The following TESK2 variants were observed in gnomAD, a reference collection of about 807,000 sequenced individuals.
TESK2 encodes the protein dual specificity testis-specific protein kinase 2.
A neutral mutation model predicts 57.1 loss-of-function variants in TESK2; 39 were observed. The ratio of observed to expected loss-of-function variants is 0.68; its 90% CI spans 0.53 to 0.89. TESK2 has a LOEUF of 0.89. TESK2 is among the 40% of genes least tolerant of loss of function. The pLI is 0.00. For missense variants in TESK2, 646 were observed against 732.1 expected (o/e 0.88, Z 1.36); for synonymous variants, 249 against 267.9 (o/e 0.93, Z 0.69).
At chr1:45,359,280 C>T (rs1647573452) in intron 4 of TESK2, among the ~76,000 whole-genome samples, 1 of 152,232 alleles carries the variant, frequency 6.6e-6, no homozygotes, top group Admixed American at 6.5e-5. Context: ...TGAAAGTTGG[C>T]CAGGCGCCGT....
intron 2 of TESK2, among the ~76,000 whole-genome samples, chr1:45,449,092 G>A (rs112975853): frequency 0.021 from 3,117 of 151,868 alleles, 76 homozygotes; most frequent in African/African-American, 0.058. Flanking sequence ...GCGTGGTAGT[G>A]GACATCTGTA....
Position 45,343,967 on chromosome 1 carries a change from G to A in TESK2, c.*873C>T. ...AAAAAAATCAACAGAAGCAAGTTAT[G>A]AAAATATTTGACCAGCTTCATCTTT... On this transcript the variant is annotated 3_prime_UTR_variant, in exon 11 of 11. Coordinates refer to ENST00000372086, the MANE Select transcript of TESK2 (RefSeq NM_007170.3). This position sits in a 1 kb window ranked among gnomAD's most constrained non-coding sequence, Gnocchi z 4.3. 2.5e-6 allele frequency: 1 copy of A among 403,018 alleles called. No individual in the cohort carries two copies. The highest frequency in any genetic ancestry group is 4.5e-6 in the Non-Finnish European group (1 of 221,734). 25.0% of individuals were successfully genotyped at this position (403,018 alleles called of 1,614,324 possible).
intron 5 of TESK2, 73 bp from the exon 6 acceptor site, chr1:45,348,073 T>C (rs1647171872): frequency 1.2e-5 from 12 of 1,001,338 alleles, no homozygotes; most frequent in Non-Finnish European, 1.9e-5. Context: ...TACCACCCAT[T>C]CCCCCCTTCC....
intron 4 of TESK2, among the ~76,000 whole-genome samples, chr1:45,376,043 GT>G (rs1228187345): frequency 1.3e-5 from 2 of 152,018 alleles, no homozygotes; most frequent in African/African-American, 4.8e-5. Context: ...CAGTTTGAGA[GT>G]TTTTTATTAC....
At chr1:45,421,453 T>C (rs72894318) in intron 3 of TESK2, among the ~76,000 whole-genome samples, 136 of 152,218 alleles carry the variant, frequency 8.9e-4, no homozygotes, top group African/African-American at 3.2e-3. Context: ...CAGTCAGCAA[T>C]AGAAAACAAT....
At chr1:45,430,541 G>A (rs1246244280) in intron 2 of TESK2, among the ~76,000 whole-genome samples, 1 of 152,104 alleles carries the variant, frequency 6.6e-6, no homozygotes, top group Non-Finnish European at 1.5e-5. Flanking sequence ...CCTCTCTCAG[G>A]TCTGAGCTCT....
chr1:45,360,398 A>G lies in TESK2; in HGVS notation c.394-4949T>C, dbSNP rs1647635441. ...AGGAGCCACTCAGGTTTCCCAACTGAGTGCCAGGCAGAAGACACTATAATG... is the reference window on the plus strand; with the variant it reads ...AGGAGCCACTCAGGTTTCCCAACTGGGTGCCAGGCAGAAGACACTATAATG... On this transcript the variant is annotated intron_variant, in intron 4 of 10. Transcript: ENST00000372086. 1.3e-5 allele frequency among the ~76,000 whole-genome samples: 2 copies of G among 152,066 alleles called. 1 individual carries two copies. The highest frequency in any genetic ancestry group is 4.1e-4 in the South Asian group (2 of 4,824).
At chr1:45,479,267 C>A in intron 1 of TESK2, among the ~76,000 whole-genome samples, 1 of 151,896 alleles carries the variant, frequency 6.6e-6, no homozygotes, top group East Asian at 1.9e-4. Flanking sequence ...CTAGTTACAC[C>A]TAATACAAAG....
chr1:45,432,954 G>C (rs1651035059), intron 2 of TESK2, among the ~76,000 whole-genome samples: 1 of 150,596 alleles, frequency 6.6e-6, no homozygotes, highest in Non-Finnish European at 1.5e-5. Flanking sequence ...AGTAGAGATG[G>C]AGTTTCACTG....
At position 45,457,878 on chromosome 1, in the gene TESK2, A is replaced by G. The variant is rs557482064; in HGVS notation, c.-86-7T>C. 1.1e-5 allele frequency: 12 copies of G among 1,058,162 alleles called. No homozygotes were observed. In the East Asian group the frequency reaches 3.0e-4, roughly 26 times the overall value. 65.5% of individuals were successfully genotyped at this position (1,058,162 alleles called of 1,614,324 possible). A position where few individuals can be genotyped will look rare whatever the true frequency, so the allele number is the denominator to read the frequency against. On this transcript the variant is annotated splice_region_variant and splice_polypyrimidine_tract_variant and intron_variant, in intron 1 of 10. Transcript: ENST00000372086. ...CTTCTCTTCTGGTTTGACACTAAAG[A>G]GATCAAAAAAATTTCCACTGAAATC... is the stretch of plus-strand genomic sequence containing the variant.
intron 1 of TESK2, among the ~76,000 whole-genome samples, chr1:45,477,988 C>A (rs552616070): frequency 6.6e-6 from 1 of 152,300 alleles, no homozygotes; most frequent in Non-Finnish European, 1.5e-5. Flanking sequence ...TAGCTCCACT[C>A]TCACACTTTT....
chr1:45,419,529 G>A (rs1650377268), intron 3 of TESK2, among the ~76,000 whole-genome samples: 1 of 152,124 alleles, frequency 6.6e-6, no homozygotes, highest in Non-Finnish European at 1.5e-5. Flanking sequence ...AATCTGGCCA[G>A]GTGCGGTGGC....
chr1:45,449,352 C>T (rs1210705908), intron 2 of TESK2, among the ~76,000 whole-genome samples: 1 of 151,944 alleles, frequency 6.6e-6, no homozygotes, highest in South Asian at 2.1e-4. Context: ...TGATATTTAT[C>T]CAAATGAACT....
intron 2 of TESK2, among the ~76,000 whole-genome samples, chr1:45,430,171 G>A (rs1178284148): frequency 1.3e-5 from 2 of 152,098 alleles, no homozygotes; most frequent in Non-Finnish European, 2.9e-5. Flanking sequence ...CTTTTTGGAT[G>A]AGAATCTGTC....
intron 1 of TESK2, among the ~76,000 whole-genome samples, chr1:45,472,137 AG>A (rs1652791129): frequency 6.6e-6 from 1 of 151,792 alleles, no homozygotes; most frequent in Non-Finnish European, 1.5e-5. Flanking sequence ...CTGTAGTCCC[AG>A]CTACTCGGGA....
chr1:45,423,559 GAA>G (rs59821943), intron 2 of TESK2, among the ~76,000 whole-genome samples: 82,751 of 125,832 alleles, frequency 0.66, 27,312 homozygotes, highest in South Asian at 0.75. Flanking sequence ...TCCGTCTCGC[GAA>G]AAAAAAAAAA....
chr1:45,435,535 A>T (rs1651161438), intron 2 of TESK2, among the ~76,000 whole-genome samples: 4 of 125,584 alleles, frequency 3.2e-5, no homozygotes, highest in East Asian at 2.8e-4. Context: ...AAGTACTGGG[A>T]TTATAGGTGT....
intron 3 of TESK2, among the ~76,000 whole-genome samples, chr1:45,406,433 G>A (rs1460446394): frequency 2.6e-5 from 4 of 152,012 alleles, no homozygotes; most frequent in African/African-American, 4.8e-5. Context: ...ATCACTTGAG[G>A]CCAGGAGTTA....
At chr1:45,361,972 A>C (rs983830301) in intron 4 of TESK2, among the ~76,000 whole-genome samples, 5 of 152,032 alleles carry the variant, frequency 3.3e-5, no homozygotes, top group Non-Finnish European at 5.9e-5. Context: ...ACCCCCACTC[A>C]AAAAAAAGAT....
Sources: allele counts gnomAD v4.1 joint callset (sites outside exome capture counted in the v4.1 genomes callset), GRCh38; gene constraint gnomAD v4.1.1; non-coding constraint Gnocchi (gnomAD v3.1); transcripts MANE v1.5; gene names NCBI Gene and HGNC (gene_info 2026-07-23, HGNC 2026-07-21).